Variants in TEAD1 observed in about 807,000 individuals in gnomAD.
TEAD1 encodes transcriptional enhancer factor TEF-1.
Under a neutral mutation model 54.9 loss-of-function variants are expected in TEAD1, and 9 were observed. That is an observed-to-expected ratio of 0.16 (90% CI 0.10 to 0.29). The LOEUF (loss-of-function observed/expected upper bound fraction) is 0.29, where lower values mean the gene tolerates loss of function less well. Among genes scored for constraint, TEAD1 ranks in the 10% least tolerant of loss-of-function variants. TEAD1 has a pLI of 1.00. For missense variants in TEAD1, 387 were observed against 535.9 expected (o/e 0.72, Z 2.74); for synonymous variants, 200 against 187.8 (o/e 1.07, Z -0.53).
intron 2 of TEAD1, among the ~76,000 whole-genome samples, chr11:12,760,494 C>T (rs1212877273): frequency 6.6e-6 from 1 of 152,078 alleles, no homozygotes; most frequent in Non-Finnish European, 1.5e-5. Flanking sequence ...TACCTCTTGC[C>T]CCAGTACTGT....
chr11:12,745,540 C>T (rs1278898451), intron 2 of TEAD1, among the ~76,000 whole-genome samples: 2 of 149,436 alleles, frequency 1.3e-5, no homozygotes, highest in Non-Finnish European at 3.0e-5. Context: ...TGCCTGTCTG[C>T]ATGTCAACTG....
intron 2 of TEAD1, among the ~76,000 whole-genome samples, chr11:12,701,989 C>T (rs530018858): frequency 1.3e-5 from 2 of 152,318 alleles, no homozygotes; most frequent in African/African-American, 2.4e-5. Flanking sequence ...CCACAGCACT[C>T]GCAGGCTGCT....
intron 2 of TEAD1, among the ~76,000 whole-genome samples, chr11:12,690,326 G>A (rs1183732115): frequency 6.6e-6 from 1 of 151,198 alleles, no homozygotes; most frequent in Non-Finnish European, 1.5e-5. Flanking sequence ...TCTCATAAAT[G>A]TTTTTTCATA....
At chr11:12,917,154 C>G (rs1170406520) in intron 10 of TEAD1, among the ~76,000 whole-genome samples, 1 of 152,118 alleles carries the variant, frequency 6.6e-6, no homozygotes, top group Non-Finnish European at 1.5e-5. Flanking sequence ...CCCAAGGTCC[C>G]TTAAAGCAGA....
intron 2 of TEAD1, among the ~76,000 whole-genome samples, chr11:12,678,816 C>A (rs946845321): frequency 6.6e-6 from 1 of 152,096 alleles, no homozygotes; most frequent in Non-Finnish European, 1.5e-5. Context: ...GCTTCGTGGT[C>A]CATATTTGAA....
At chr11:12,762,727 C>A (rs1396888076) in intron 2 of TEAD1, among the ~76,000 whole-genome samples, 2 of 152,130 alleles carry the variant, frequency 1.3e-5, no homozygotes, top group Admixed American at 6.5e-5. Flanking sequence ...ATATAATATT[C>A]ATGTGCCTCA....
chr11:12,804,953 A>G (rs1008300883), intron 3 of TEAD1, among the ~76,000 whole-genome samples: 1 of 152,204 alleles, frequency 6.6e-6, no homozygotes, highest in African/African-American at 2.4e-5. Flanking sequence ...GACTCTGCAG[A>G]GACATGGGTG....
At chr11:12,792,779 G>A (rs917809460) in intron 3 of TEAD1, among the ~76,000 whole-genome samples, 1 of 152,178 alleles carries the variant, frequency 6.6e-6, no homozygotes, top group African/African-American at 2.4e-5. Flanking sequence ...AAATGAGCTG[G>A]GCATGGTGAC....
chr11:12,797,093 A>G (rs1945946318), intron 3 of TEAD1, among the ~76,000 whole-genome samples: 1 of 16,400 alleles, frequency 6.1e-5, no homozygotes, highest in African/African-American at 6.5e-5. Flanking sequence ...AGCCTGGGAA[A>G]CAGCAAGACT....
chr11:12,769,784 T>A (rs1015833391), intron 3 of TEAD1, among the ~76,000 whole-genome samples: 4 of 152,150 alleles, frequency 2.6e-5, no homozygotes, highest in Non-Finnish European at 4.4e-5. Context: ...AGCTATGTGG[T>A]AGAACAGGCT....
chr11:12,833,424 T>C (rs184515529), intron 3 of TEAD1, among the ~76,000 whole-genome samples: 1 of 152,174 alleles, frequency 6.6e-6, no homozygotes, highest in African/African-American at 2.4e-5. Context: ...GAATCTAATA[T>C]ATGCAAAGCA....
chr11:12,848,108 ATCC>A (rs1425644229), intron 3 of TEAD1, among the ~76,000 whole-genome samples: 1 of 152,118 alleles, frequency 6.6e-6, no homozygotes, highest in African/African-American at 2.4e-5. Context: ...GAGTACATCT[ATCC>A]ATCTAATCGT....
chr11:12,870,473 AAAG>A (rs1331188192), intron 5 of TEAD1, among the ~76,000 whole-genome samples: 1 of 152,060 alleles, frequency 6.6e-6, no homozygotes, highest in African/African-American at 2.4e-5. Context: ...AAGATGGAAA[AAAG>A]AAAAAAAAAA....
intron 2 of TEAD1, among the ~76,000 whole-genome samples, chr11:12,700,565 G>A (rs1943678290): frequency 6.6e-6 from 1 of 152,140 alleles, no homozygotes; most frequent in Admixed American, 6.5e-5. Flanking sequence ...TTTAGTTTCT[G>A]CTACCCTTTT....
At chr11:12,758,511 C>T (rs901313933) in intron 2 of TEAD1, among the ~76,000 whole-genome samples, 2 of 150,074 alleles carry the variant, frequency 1.3e-5, no homozygotes, top group African/African-American at 2.5e-5. Context: ...CCCAGGTTCA[C>T]GCCATTCTCC....
chr11:12,934,405 G>C (rs1293548486), intron 12 of TEAD1, among the ~76,000 whole-genome samples: 1 of 152,064 alleles, frequency 6.6e-6, no homozygotes, highest in African/African-American at 2.4e-5. Context: ...GGAGTAGAGG[G>C]GGAAGGGATA....
At chr11:12,824,727 T>C (rs901029047) in intron 3 of TEAD1, among the ~76,000 whole-genome samples, 3 of 152,114 alleles carry the variant, frequency 2.0e-5, no homozygotes, top group Non-Finnish European at 4.4e-5. Flanking sequence ...TTCCTGCCAG[T>C]TCCTCCCAGT....
chr11:12,835,966 C>G (rs1489312420), intron 3 of TEAD1, among the ~76,000 whole-genome samples: 1 of 151,982 alleles, frequency 6.6e-6, no homozygotes, highest in East Asian at 1.9e-4. Flanking sequence ...TCAAAATTGC[C>G]AAAAGACTAG....
At chr11:12,799,983 G>A (rs981595799) in intron 3 of TEAD1, among the ~76,000 whole-genome samples, 1 of 152,196 alleles carries the variant, frequency 6.6e-6, no homozygotes, top group Non-Finnish European at 1.5e-5. Context: ...TAGCAAAAGA[G>A]TAAAAATTTT....
Sources: allele counts gnomAD v4.1 joint callset (sites outside exome capture counted in the v4.1 genomes callset), GRCh38; gene constraint gnomAD v4.1.1; transcripts MANE v1.5; gene names NCBI Gene and HGNC (gene_info 2026-07-23, HGNC 2026-07-21).